PLEKHA2: variants seen among roughly 807,000 people sequenced by gnomAD.
PLEKHA2 encodes pleckstrin homology domain-containing family A member 2.
Under a neutral mutation model 53.2 loss-of-function variants are expected in PLEKHA2, and 28 were observed. The ratio of observed to expected loss-of-function variants is 0.53; its 90% confidence interval spans 0.39 to 0.72. PLEKHA2 has a LOEUF of 0.72. Ranked by LOEUF, PLEKHA2 falls within the 30% of genes least tolerant of loss-of-function variation. PLEKHA2 has a pLI of 0.00. For synonymous variants in PLEKHA2, 193 were observed against 196.4 expected (o/e 0.98, Z 0.14); for missense variants, 426 against 537.9 (o/e 0.79, Z 2.06).
At position 38,918,434 on chromosome 8, in the gene PLEKHA2, T is replaced by C. The variant is rs953353209; in HGVS notation, c.141+364T>C. Among the ~76,000 whole-genome samples, 115 of 96,086 alleles carry C rather than the reference T, an allele frequency of 1.2e-3. 1 individual carries two copies. The highest frequency in any genetic ancestry group is 1.7e-3 in the Non-Finnish European group (82 of 47,762). The allele number at this position is 96,086 out of a possible 152,430, so 63.0% of individuals were successfully genotyped here. The stretch of plus-strand genomic sequence containing the variant: ...ACACATACACACACCACACACACCA[T>C]ACACACACACAACCCATACACCATA... On this transcript the variant is annotated intron_variant, in intron 2 of 11. Transcript: ENST00000617275.
intron 2 of PLEKHA2, among the ~76,000 whole-genome samples, chr8:38,921,388 A>G (rs1479639921): frequency 6.6e-6 from 1 of 152,208 alleles, no homozygotes; most frequent in Non-Finnish European, 1.5e-5. Context: ...GGCTGTTGCC[A>G]GCTGCCTCCC....
At position 38,970,670 on chromosome 8, in the gene PLEKHA2, A is replaced by G; in HGVS notation, c.*887A>G. On this transcript the variant is annotated 3_prime_UTR_variant, in exon 12 of 12. Coordinates refer to ENST00000617275, the MANE Select transcript of PLEKHA2 (RefSeq NM_021623.2). The stretch of plus-strand genomic sequence containing the variant: ...CAAAATTAGCCGGGCGTGGTGGTGC[A>G]GGCCTGTAATCCCAGCTACTCAGAG... 1 of 156,634 alleles carries G rather than the reference A, an allele frequency of 6.4e-6. No homozygotes were observed. The highest frequency in any genetic ancestry group is 1.4e-5 in the Non-Finnish European group (1 of 70,238). The allele number at this position is 156,634 out of a possible 1,614,324, so 9.7% of individuals were successfully genotyped here.
At position 38,929,064 on chromosome 8, in the gene PLEKHA2, C is replaced by G. The variant is rs73674634; in HGVS notation, c.142-6930C>G. On this transcript the variant is annotated intron_variant, in intron 2 of 11. Transcript: ENST00000617275. ...CAAATGTCTACTCTGAGCTATACCCCCTCTGCAGGCACATTCTTTTCTGTG... is the reference window on the plus strand; with the variant it reads ...CAAATGTCTACTCTGAGCTATACCCGCTCTGCAGGCACATTCTTTTCTGTG... Among the ~76,000 whole-genome samples, 503 of 152,344 alleles carry G rather than the reference C, an allele frequency of 3.3e-3. 1 individual carries two copies. Among genetic ancestry groups the G allele is most frequent in the African/African-American group, 0.01 (418 of 41,580 alleles).
intron 5 of PLEKHA2, among the ~76,000 whole-genome samples, chr8:38,947,093 T>G (rs533506127): frequency 1.3e-5 from 2 of 152,314 alleles, no homozygotes; most frequent in South Asian, 4.1e-4. Flanking sequence ...CTGAGTGTAA[T>G]TGAGTCTCCT....
chr8:38,911,322 C>T (rs990002572), intron 1 of PLEKHA2, among the ~76,000 whole-genome samples: 4 of 151,900 alleles, frequency 2.6e-5, no homozygotes, highest in East Asian at 1.9e-4. Context: ...CTGCAACCTC[C>T]GCCTCCCAGG....
intron 3 of PLEKHA2, among the ~76,000 whole-genome samples, chr8:38,942,307 G>A (rs1339989901): frequency 6.6e-6 from 1 of 152,126 alleles, no homozygotes; most frequent in East Asian, 1.9e-4. Flanking sequence ...GGAGGGTGAG[G>A]TGGAAGGATC....
intron 3 of PLEKHA2, among the ~76,000 whole-genome samples, chr8:38,943,291 G>T (rs570518050): frequency 6.6e-6 from 1 of 151,752 alleles, no homozygotes; most frequent in South Asian, 2.1e-4. Flanking sequence ...GACCAGCCTG[G>T]GCAACATAGC....
intron 1 of PLEKHA2, among the ~76,000 whole-genome samples, chr8:38,916,193 T>G (rs1390138507): frequency 6.6e-6 from 1 of 152,148 alleles, no homozygotes; most frequent in East Asian, 1.9e-4. Context: ...GCCAGGCTGG[T>G]CTCGAATTCC....
chr8:38,914,452 C>G (rs545822215), intron 1 of PLEKHA2, among the ~76,000 whole-genome samples: 5 of 152,214 alleles, frequency 3.3e-5, no homozygotes, highest in African/African-American at 4.8e-5. Flanking sequence ...CCTGCAGTAC[C>G]GGGGCTGTTG....
intron 3 of PLEKHA2, among the ~76,000 whole-genome samples, chr8:38,941,744 C>T (rs564463800): frequency 1.3e-5 from 2 of 152,254 alleles, no homozygotes; most frequent in African/African-American, 4.8e-5. Context: ...GTCTTACCTG[C>T]ACTATCATAT....
chr8:38,938,901 T>C (rs1431780293), intron 3 of PLEKHA2, among the ~76,000 whole-genome samples: 4 of 64,728 alleles, frequency 6.2e-5, no homozygotes, highest in African/African-American at 3.0e-4. Flanking sequence ...TTTCTTTTTC[T>C]TTTTTTTTTT....
At chr8:38,949,947 G>T (rs965273668) in intron 5 of PLEKHA2, among the ~76,000 whole-genome samples, 2 of 152,164 alleles carry the variant, frequency 1.3e-5, no homozygotes, top group African/African-American at 4.8e-5. Context: ...TGGACCCCTT[G>T]TTCTGTCTCT....
At chr8:38,938,970 C>A (rs1386708456) in intron 3 of PLEKHA2, among the ~76,000 whole-genome samples, 1 of 150,712 alleles carries the variant, frequency 6.6e-6, no homozygotes, top group Admixed American at 6.6e-5. Context: ...ATGGTGCAAT[C>A]TCGCCTCACT....
At chr8:38,921,172 T>C (rs1272264233) in intron 2 of PLEKHA2, among the ~76,000 whole-genome samples, 1 of 152,248 alleles carries the variant, frequency 6.6e-6, no homozygotes, top group East Asian at 1.9e-4. Context: ...GACTTGGCTT[T>C]GGGCACACCA....
intron 3 of PLEKHA2, among the ~76,000 whole-genome samples, chr8:38,937,551 A>G (rs1414599198): frequency 6.6e-6 from 1 of 152,028 alleles, no homozygotes; most frequent in Non-Finnish European, 1.5e-5. Flanking sequence ...CTGCTGAATC[A>G]TGATTTATAA....
In PLEKHA2 at chr8:38,901,359, C is replaced by G. The variant is rs976454391; in HGVS notation, c.-110C>G. ...AGTTTGGCAGGCAGACCCAGAAATC[C>G]CTGGAGCGCGGCGGACCCGGCGGCC... On this transcript the variant is annotated 5_prime_UTR_variant, in exon 1 of 12. Coordinates refer to ENST00000617275, the MANE Select transcript of PLEKHA2 (RefSeq NM_021623.2). 2.6e-5 allele frequency: 4 copies of G among 152,278 alleles called. No individual in the cohort carries two copies. Among genetic ancestry groups the G allele is most frequent in the African/African-American group, 9.7e-5 (4 of 41,432 alleles). 9.4% of individuals were successfully genotyped at this position (152,278 alleles called of 1,614,324 possible). A position where few individuals can be genotyped will look rare whatever the true frequency, so the allele number is the denominator to read the frequency against.
chr8:38,925,049 G>T (rs1018418957), intron 2 of PLEKHA2, among the ~76,000 whole-genome samples: 8 of 152,154 alleles, frequency 5.3e-5, no homozygotes, highest in Admixed American at 1.3e-4. Context: ...TTCAGCATGA[G>T]ATCTACCCTT....
chr8:38,941,053 A>T (rs937435411), intron 3 of PLEKHA2, among the ~76,000 whole-genome samples: 1 of 115,988 alleles, frequency 8.6e-6, no homozygotes, highest in East Asian at 2.1e-4. Context: ...AATCTAAGGT[A>T]TCTTTTTTTT....
At chr8:38,946,907 T>A (rs1479573423) in intron 5 of PLEKHA2, among the ~76,000 whole-genome samples, 1 of 152,218 alleles carries the variant, frequency 6.6e-6, no homozygotes, top group Non-Finnish European at 1.5e-5. Flanking sequence ...ATGGCTTCTT[T>A]GCTGAAAAGT....
Sources: allele counts gnomAD v4.1 joint callset (sites outside exome capture counted in the v4.1 genomes callset), GRCh38; gene constraint gnomAD v4.1.1; transcripts MANE v1.5; gene names NCBI Gene and HGNC (gene_info 2026-07-23, HGNC 2026-07-21).